The following GREB1 variants were observed in gnomAD, a reference collection of about 807,000 sequenced individuals.
GREB1 encodes protein GREB1.
A neutral mutation model predicts 200.7 loss-of-function variants in GREB1; 106 were observed. That is an observed-to-expected ratio of 0.53 (90% confidence interval 0.45 to 0.62). The LOEUF (loss-of-function observed/expected upper bound fraction) is 0.62. Ranked by LOEUF, GREB1 falls within the 20% of genes least tolerant of loss-of-function variation. GREB1 has a pLI of 0.00. For missense variants in GREB1, 2,243 were observed against 2,556.8 expected, an observed-to-expected ratio of 0.88 and a Z score of 2.65; for synonymous variants, 1,132 against 1,092.4, an observed-to-expected ratio of 1.04 and a Z score of -0.72.
chr2:11,523,903 C>T (rs1431339591), intron 1 of GREB1, among the ~76,000 whole-genome samples: 1 of 152,236 alleles, frequency 6.6e-6, no homozygotes, highest in African/African-American at 2.4e-5. Flanking sequence ...CAGAATGGAA[C>T]TGCTTTCTAA....
In GREB1 at chr2:11,566,332, T is replaced by C. The variant is rs1280433874; in HGVS notation, c.278-148T>C. 1.0e-5 allele frequency: 7 copies of C among 701,606 alleles called. No individual in the cohort carries two copies. In the South Asian group the frequency reaches 1.1e-4, roughly 11 times the overall value. The allele number at this position is 701,606 out of a possible 1,614,324, so 43.5% of individuals were successfully genotyped here. Reference sequence around the variant, plus strand: ...ATGCCCAGCCAACTAAGATTATAGTTCTATCTCTCAGGATTAATTTTGAGG... The same window carrying C: ...ATGCCCAGCCAACTAAGATTATAGTCCTATCTCTCAGGATTAATTTTGAGG... On this transcript the variant is annotated intron_variant, in intron 3 of 32. Coordinates refer to ENST00000381486, the MANE Select transcript of GREB1 (RefSeq NM_014668.4).
intron 1 of GREB1, among the ~76,000 whole-genome samples, chr2:11,517,042 G>A (rs1030785708): frequency 2.0e-5 from 3 of 152,246 alleles, no homozygotes; most frequent in Admixed American, 2.0e-4. Context: ...TATTATTCCA[G>A]TGGCTGTCTT....
At chr2:11,537,485 G>A (rs1674346423) in intron 1 of GREB1, among the ~76,000 whole-genome samples, 1 of 151,626 alleles carries the variant, frequency 6.6e-6, no homozygotes, top group Non-Finnish European at 1.5e-5. Context: ...GGCACATAAA[G>A]GTTAAGTAAC....
At chr2:11,578,540 C>A in intron 6 of GREB1, 109 bp downstream of exon 6, 1 of 1,163,892 alleles carries the variant, frequency 8.6e-7, no homozygotes, top group Non-Finnish European at 1.2e-6. Flanking sequence ...AATCAGGGGG[C>A]TGTTATCTTT....
Position 11,580,189 on chromosome 2 carries a change from C to T in GREB1, c.773-515C>T, listed in dbSNP as rs760111388. Among the ~76,000 whole-genome samples the T allele has an allele frequency of 1.3e-5, 2 of 152,182 alleles. No individual in the cohort carries two copies. Among genetic ancestry groups the T allele is most frequent in the Non-Finnish European group, 2.9e-5 (2 of 68,032 alleles). ...ATTACCTCCCGCCAGGTCCCTCCCACGACACAGGGGGATTATGGGAGCTGC... is the reference window on the plus strand; with the variant it reads ...ATTACCTCCCGCCAGGTCCCTCCCATGACACAGGGGGATTATGGGAGCTGC... On this transcript the variant is annotated intron_variant, in intron 6 of 32. Coordinates refer to ENST00000381486, the MANE Select transcript of GREB1 (RefSeq NM_014668.4). The surrounding 1 kb of genome is among the most constrained non-coding windows in gnomAD (Gnocchi z 4.5).
At chr2:11,587,301 A>C in intron 9 of GREB1, 1 of 1,038,546 alleles carries the variant, frequency 9.6e-7, no homozygotes. Flanking sequence ...CCCCCTTGTC[A>C]CTTCTCTGTC....
Position 11,629,968 on chromosome 2 carries a change from C to T in GREB1, c.4470C>T (p.His1490=), listed in dbSNP as rs1413131345. 20 of 1,614,056 alleles carry T rather than the reference C, an allele frequency of 1.2e-5. No individual in the cohort carries two copies. The highest frequency in any genetic ancestry group is 2.7e-5 in the African/African-American group (2 of 74,928). The part of the protein sequence containing the change: ...PRYQLYESTL[H]AFAFSYSMLG... Reference sequence around the variant, plus strand: ...CCCAGCTGTATGAGTCCACCCTGCACGCCTTTGCCTTCTCTTACTCCATGC... The same window carrying T: ...CCCAGCTGTATGAGTCCACCCTGCATGCCTTTGCCTTCTCTTACTCCATGC... Residue 1490 remains histidine, a synonymous_variant, in exon 26 of 33, where the codon CAC becomes CAT. Transcript: ENST00000381486. This position sits in a 1 kb window ranked among gnomAD's most constrained non-coding sequence, Gnocchi z 5.2.
intron 19 of GREB1, among the ~76,000 whole-genome samples, chr2:11,614,689 G>A (rs942369718): frequency 2.0e-5 from 3 of 151,916 alleles, no homozygotes; most frequent in South Asian, 2.1e-4. Context: ...TCAGCCTCCC[G>A]AGTAGCTGGG....
chr2:11,496,290 A>G (rs1672884578), intron 1 of GREB1, among the ~76,000 whole-genome samples: 1 of 152,148 alleles, frequency 6.6e-6, no homozygotes, highest in Admixed American at 6.5e-5. Context: ...TCTTTCAATG[A>G]TTCGATCACC....
intron 19 of GREB1, among the ~76,000 whole-genome samples, chr2:11,614,589 A>C (rs1354778637): frequency 1.3e-5 from 2 of 151,622 alleles, no homozygotes; most frequent in Non-Finnish European, 2.9e-5. Context: ...TTTGAGATGG[A>C]GTCTGGCTCT....
rs1032560563 is a variant in GREB1, at chr2:11,629,716, C to T, written c.4450-232C>T. 5.3e-5 allele frequency among the ~76,000 whole-genome samples: 8 copies of T among 152,134 alleles called. No individual in the cohort carries two copies. Among genetic ancestry groups the T allele is most frequent in the East Asian group, 3.9e-4 (2 of 5,180 alleles). On this transcript the variant is annotated intron_variant, in intron 25 of 32. Coordinates refer to ENST00000381486, the MANE Select transcript of GREB1 (RefSeq NM_014668.4). The surrounding 1 kb of genome is among the most constrained non-coding windows in gnomAD (Gnocchi z 5.2). Reference sequence around the variant, plus strand: ...TGGCACAGCAGGGTGAGGCCCCATGCGGACTGAGGATGGGAGCAGGCTCTC... The same window carrying T: ...TGGCACAGCAGGGTGAGGCCCCATGTGGACTGAGGATGGGAGCAGGCTCTC...
Position 11,595,348 on chromosome 2 carries a change from G to C in GREB1, c.1794G>C (p.Ser598=), listed in dbSNP as rs781115413. Residue 598 remains serine, a synonymous_variant, in exon 12 of 33, where the codon TCG becomes TCC. Transcript: ENST00000381486. ...AGCTGGTTACGGGGAAGGTAGACTC[G>C]CTGGGGGCCTTCTTTAGCACCCTCT... is the stretch of plus-strand genomic sequence containing the variant. ...NYELVTGKVD[S]LGAFFSTLCP... The C allele has an allele frequency of 6.2e-7, 1 of 1,613,864 alleles. No homozygotes were observed. Among genetic ancestry groups the C allele is most frequent in the Non-Finnish European group, 8.5e-7 (1 of 1,179,850 alleles).
intron 4 of GREB1, among the ~76,000 whole-genome samples, chr2:11,573,107 T>C (rs747775570): frequency 5.9e-5 from 9 of 152,196 alleles, no homozygotes; most frequent in African/African-American, 1.9e-4. Flanking sequence ...TAGTTAGGAT[T>C]TGAACCCAGG....
At chr2:11,552,150 A>C (rs1675914781) in intron 1 of GREB1, among the ~76,000 whole-genome samples, 1 of 152,186 alleles carries the variant, frequency 6.6e-6, no homozygotes, top group Non-Finnish European at 1.5e-5. Flanking sequence ...GCTTTTGTGC[A>C]TTAAGGTGAA....
At position 11,580,955 on chromosome 2, in the gene GREB1, A is replaced by G. The variant is rs766730110; in HGVS notation, c.901+123A>G. ...CCTGGAGTCTGATGTGGCTTCCATG[A>G]GAGTCAGGCCAGGACCACAGGTGCC... On this transcript the variant is annotated intron_variant, in intron 7 of 32. Transcript: ENST00000381486. This position sits in a 1 kb window ranked among gnomAD's most constrained non-coding sequence, Gnocchi z 4.5. The G allele has an allele frequency of 7.1e-6, 9 of 1,260,242 alleles. No homozygotes were observed. In the African/African-American group the frequency reaches 1.2e-4, roughly 17 times the overall value. The allele number at this position is 1,260,242 out of a possible 1,614,324, so 78.1% of individuals were successfully genotyped here.
At chr2:11,526,436 C>T (rs1673877614) in intron 1 of GREB1, among the ~76,000 whole-genome samples, 1 of 151,836 alleles carries the variant, frequency 6.6e-6, no homozygotes, top group Non-Finnish European at 1.5e-5. Flanking sequence ...ATTAGTAAAA[C>T]AAGAATTTTA....
At chr2:11,571,247 A>T (rs1324716199) in intron 4 of GREB1, among the ~76,000 whole-genome samples, 1 of 152,122 alleles carries the variant, frequency 6.6e-6, no homozygotes, top group African/African-American at 2.4e-5. Flanking sequence ...TGCTAGGTAT[A>T]GTGTGTGCTC....
intron 9 of GREB1, 57 bp from the exon 10 acceptor site, chr2:11,588,689 A>C: frequency 1.3e-6 from 2 of 1,492,064 alleles, no homozygotes; most frequent in Non-Finnish European, 1.9e-6. Context: ...ACCCACATGT[A>C]TGGGACCGTA....
intron 1 of GREB1, among the ~76,000 whole-genome samples, chr2:11,555,941 AAAT>A (rs1304074243): frequency 1.3e-5 from 2 of 152,154 alleles, no homozygotes; most frequent in Non-Finnish European, 2.9e-5. Flanking sequence ...GGGGGATAGA[AAAT>A]AAATCTCTTG....
Sources: gnomAD v4.1 joint callset for allele counts (sites outside exome capture counted in the v4.1 genomes callset) on GRCh38, gnomAD v4.1.1 for gene constraint, Gnocchi (gnomAD v3.1) non-coding constraint, MANE v1.5 for transcripts, NCBI Gene and HGNC (gene_info 2026-07-23, HGNC 2026-07-21) for gene names.